The following FBN1 variants were observed in gnomAD, a reference collection of about 807,000 sequenced individuals.
FBN1 encodes fibrillin 1, also known as fibrillin-1.
Under a neutral mutation model 365.1 loss-of-function variants are expected in FBN1, and 29 were observed. That is an observed-to-expected ratio of 0.08 (90% CI 0.06 to 0.11). The LOEUF (loss-of-function observed/expected upper bound fraction) is 0.11, where lower values mean the gene tolerates loss of function less well. FBN1 is among the 10% of genes least tolerant of loss of function. The pLI is 1.00. For synonymous variants in FBN1, 1,210 were observed against 1,270.5 expected (o/e 0.95, Z 1.01); for missense variants, 2,476 against 3,703.2 (o/e 0.67, Z 8.60).
chr15:48,603,742 A>C (rs1358145818), intron 4 of FBN1, among the ~76,000 whole-genome samples: 1 of 152,164 alleles, frequency 6.6e-6, no homozygotes, highest in Non-Finnish European at 1.5e-5. Context: ...CCTAAACTCA[A>C]TCTGTGTTAA....
In FBN1 at chr15:48,520,402, T is replaced by A. The variant is rs114459469; in HGVS notation, c.1147+257A>T. ...CATTAAGTACTAAAATGAGAATAAG[T>A]ACTTCCCCAAAAGGTTTCTGTTTAG... On this transcript the variant is annotated intron_variant, in intron 10 of 65. Coordinates refer to ENST00000316623, the MANE Select transcript of FBN1 (RefSeq NM_000138.5). Among the ~76,000 whole-genome samples, 1,758 of 152,230 alleles carry A rather than the reference T, an allele frequency of 0.012. 39 individuals are homozygous for A. Among genetic ancestry groups the A allele is most frequent in the African/African-American group, 0.041 (1,695 of 41,532 alleles).
chr15:48,613,235 G>C, intron 2 of FBN1, 143 bp from the exon 3 acceptor site: 1 of 693,606 alleles, frequency 1.4e-6, no homozygotes, highest in East Asian at 2.7e-5. Context: ...GAGACTCAAT[G>C]CTGGGTTGGT....
intron 34 of FBN1, among the ~76,000 whole-genome samples, chr15:48,473,845 AAAGG>A (rs1234963634): frequency 6.6e-6 from 1 of 152,152 alleles, no homozygotes; most frequent in Non-Finnish European, 1.5e-5. Context: ...TAGGCATATA[AAAGG>A]AAGTATGATT....
intron 23 of FBN1, 113 bp downstream of exon 23, chr15:48,494,091 C>T: frequency 2.5e-6 from 2 of 814,140 alleles, no homozygotes; most frequent in Non-Finnish European, 4.2e-6. Context: ...TATTTTTTTT[C>T]TCTGCTGCAT....
At chr15:48,437,477 G>C (rs2043082650) in intron 51 of FBN1, 90 bp from the exon 52 acceptor site, 1 of 1,133,962 alleles carries the variant, frequency 8.8e-7, no homozygotes, top group Non-Finnish European at 1.3e-6. Flanking sequence ...ATTGCTACAT[G>C]CTGTGCATAT....
rs771170047 is a variant in FBN1 at position 48,437,013 on chromosome 15, G to A, written c.6444C>T (p.Ser2148=). The change falls in exon 53 of 66, where the codon TCC becomes TCT. Residue 2148 remains serine (S), a synonymous_variant. Coordinates refer to ENST00000316623, the MANE Select transcript of FBN1 (RefSeq NM_000138.5). ...KHGQCINTDG[S]YRCECPFGYI... ...AACCAAAGGGACACTCGCAGCGATA[G>A]GAACCATCTGTATTGATGCACTGTC... is the stretch of plus-strand genomic sequence containing the variant. 1 of 1,613,350 alleles carries A rather than the reference G, an allele frequency of 6.2e-7. No individual in the cohort carries two copies. The highest frequency in any genetic ancestry group is 2.2e-5 in the East Asian group (1 of 44,856).
chr15:48,489,056 G>T (rs2043533350), intron 25 of FBN1, among the ~76,000 whole-genome samples: 1 of 150,748 alleles, frequency 6.6e-6, no homozygotes, highest in Non-Finnish European at 1.5e-5. Context: ...TTCTTTTTTT[G>T]AGACAGGATC....
intron 31 of FBN1, among the ~76,000 whole-genome samples, chr15:48,482,036 A>C (rs2043469271): frequency 6.6e-6 from 1 of 152,184 alleles, no homozygotes. Context: ...CTCCATGCTG[A>C]GTTTAGAGCT....
intron 5 of FBN1, among the ~76,000 whole-genome samples, chr15:48,599,757 G>C (rs1037322135): frequency 1.4e-4 from 21 of 152,232 alleles, no homozygotes; most frequent in Non-Finnish European, 2.2e-4. Context: ...ATGAGGCTGA[G>C]TTTTGAAATA....
intron 4 of FBN1, among the ~76,000 whole-genome samples, chr15:48,608,857 C>G (rs992289907): frequency 1.3e-5 from 2 of 152,216 alleles, no homozygotes; most frequent in Non-Finnish European, 2.9e-5. Flanking sequence ...GTCTTGTTAA[C>G]ATCCTGTCTC....
chr15:48,575,399 A>G (rs547089205), intron 6 of FBN1, among the ~76,000 whole-genome samples: 1 of 152,330 alleles, frequency 6.6e-6, no homozygotes, highest in East Asian at 1.9e-4. Flanking sequence ...TCTTACATGC[A>G]CATATTGCAT....
At chr15:48,483,651 C>G (rs2043483346) in intron 31 of FBN1, among the ~76,000 whole-genome samples, 167 bp downstream of exon 31, 1 of 152,210 alleles carries the variant, frequency 6.6e-6, no homozygotes. Context: ...TTAATAGCCA[C>G]AAGAAAGCTC....
Position 48,631,210 on chromosome 15 carries a change from GAGAA to G in FBN1, c.164+13392_164+13395del, listed in dbSNP as rs58133288. Among the ~76,000 whole-genome samples the G allele has an allele frequency of 6.6e-3, 1,000 of 152,250 alleles. 12 individuals carry two copies. The highest frequency in any genetic ancestry group is 0.023 in the African/African-American group (967 of 41,520). On this transcript the variant is annotated intron_variant, in intron 2 of 65. Coordinates refer to ENST00000316623, the MANE Select transcript of FBN1 (RefSeq NM_000138.5). The stretch of plus-strand genomic sequence containing the variant: ...AATAAAAAGATTTTCAATTTCTCAA[GAGAA>G]AGAGGACACAGAAGAAGAAGAACAA...
intron 17 of FBN1, among the ~76,000 whole-genome samples, chr15:48,501,429 G>A (rs1210221945): frequency 6.6e-6 from 1 of 152,196 alleles, no homozygotes; most frequent in Non-Finnish European, 1.5e-5. Context: ...CCCCACAGAT[G>A]CTGGCACCTT....
intron 55 of FBN1, 128 bp downstream of exon 55, chr15:48,432,738 C>T (rs1419323696): frequency 1.4e-5 from 17 of 1,239,856 alleles, no homozygotes; most frequent in Non-Finnish European, 1.6e-5. Context: ...CAGTGACAAC[C>T]CCCGTATTGT....
chr15:48,435,389 C>A (rs2043057770), intron 53 of FBN1, among the ~76,000 whole-genome samples: 1 of 151,472 alleles, frequency 6.6e-6, no homozygotes, highest in Non-Finnish European at 1.5e-5. Flanking sequence ...AATACATCCA[C>A]AGTTTGGCCT....
chr15:48,445,616 G>T (rs2043152810), intron 47 of FBN1, 112 bp from the exon 48 acceptor site: 3 of 1,188,386 alleles, frequency 2.5e-6, no homozygotes, highest in African/African-American at 3.1e-5. Context: ...AGTGGCCTTT[G>T]CTGGCTTAGC....
Position 48,454,779 on chromosome 15 carries a change from A to G in FBN1, c.5422+1858T>C, listed in dbSNP as rs971426367. On this transcript the variant is annotated intron_variant, in intron 44 of 65. Coordinates refer to ENST00000316623, the MANE Select transcript of FBN1 (RefSeq NM_000138.5). ...TGGAAAACCCTCAGGACTGTCAGTC[A>G]GTCAGTGGGGGTTCCTGTCTAAGGC... Among the ~76,000 whole-genome samples, 10 of 152,200 alleles carry G rather than the reference A, an allele frequency of 6.6e-5. 1 individual carries two copies. The highest frequency in any genetic ancestry group is 5.9e-4 in the Admixed American group (9 of 15,280).
At chr15:48,545,333 A>G (rs887647960) in intron 6 of FBN1, among the ~76,000 whole-genome samples, 3 of 152,256 alleles carry the variant, frequency 2.0e-5, no homozygotes, top group African/African-American at 7.2e-5. Context: ...TTCATGAAGA[A>G]TCCTAATAGA....
Sources: gnomAD v4.1 joint callset for allele counts (sites outside exome capture counted in the v4.1 genomes callset) on GRCh38, gnomAD v4.1.1 for gene constraint, MANE v1.5 for transcripts, NCBI Gene and HGNC (gene_info 2026-07-23, HGNC 2026-07-21) for gene names.